The following ARFIP1 variants were observed in gnomAD, a reference collection of about 807,000 sequenced individuals.
ARFIP1 encodes the protein ARF interacting protein 1, also known as arfaptin-1.
A neutral mutation model predicts 42.5 loss-of-function variants in ARFIP1; 24 were observed. The observed-to-expected ratio is 0.57, with a 90% CI of 0.41 to 0.80. ARFIP1 has a LOEUF of 0.80. Among genes scored for constraint, ARFIP1 ranks in the 30% least tolerant of loss-of-function variants. ARFIP1 has a pLI of 0.00. For synonymous variants in ARFIP1, 141 were observed against 153.7 expected (o/e 0.92, Z 0.61); for missense variants, 354 against 434.0 (o/e 0.82, Z 1.64).
At chr4:152,910,030 A>C in intron 8 of ARFIP1, 34 bp from the exon 9 acceptor site, 1 of 1,604,224 alleles carries the variant, frequency 6.2e-7, no homozygotes, top group Non-Finnish European at 8.5e-7. Flanking sequence ...TATTGGTGTT[A>C]ATGCTTGGTC....
chr4:152,836,545 G>A (rs534067165), intron 2 of ARFIP1, among the ~76,000 whole-genome samples: 1 of 151,964 alleles, frequency 6.6e-6, no homozygotes, highest in Non-Finnish European at 1.5e-5. Context: ...TTTTTGGTCT[G>A]ACCTTGAAGC....
chr4:152,844,629 A>G (rs188523888), intron 2 of ARFIP1, among the ~76,000 whole-genome samples: 13 of 151,854 alleles, frequency 8.6e-5, no homozygotes, highest in African/African-American at 2.9e-4. Flanking sequence ...GCAATAACCT[A>G]TTTCACCTCC....
chr4:152,827,725 G>T (rs1204485807), intron 1 of ARFIP1, among the ~76,000 whole-genome samples: 2 of 152,138 alleles, frequency 1.3e-5, no homozygotes, highest in African/African-American at 4.8e-5. Context: ...GCCCAGGCTG[G>T]AGTACAGTGT....
At chr4:152,821,235 T>G (rs1202104840) in intron 1 of ARFIP1, among the ~76,000 whole-genome samples, 3 of 152,102 alleles carry the variant, frequency 2.0e-5, no homozygotes, top group Non-Finnish European at 4.4e-5. Context: ...AAAACCAACA[T>G]AAATTTAAAA....
intron 3 of ARFIP1, among the ~76,000 whole-genome samples, chr4:152,869,221 A>G (rs536875807): frequency 6.6e-6 from 1 of 152,192 alleles, no homozygotes. Context: ...GAAAGTAGAC[A>G]TGTCTTTCTT....
chr4:152,795,957 A>C (rs1731443569), intron 1 of ARFIP1: 2 of 294,500 alleles, frequency 6.8e-6, no homozygotes, highest in Admixed American at 1.0e-4. Flanking sequence ...TAATCTCTTG[A>C]TGATTGCAGA....
At chr4:152,807,228 G>T (rs2149829289) in intron 1 of ARFIP1, 1 of 149,822 alleles carries the variant, frequency 6.7e-6, no homozygotes, top group African/African-American at 2.5e-5. Flanking sequence ...AAGGAAAGCT[G>T]CTAGGAGTAC....
chr4:152,907,815 T>C lies in ARFIP1; in HGVS notation c.967-2249T>C, dbSNP rs150406858. On this transcript the variant is annotated intron_variant, in intron 8 of 8. Transcript: ENST00000353617. The stretch of plus-strand genomic sequence containing the variant: ...AACTTTGTGGTGGTTTTCTTGCTTT[T>C]TTAATGCTAAAAACAGTGCTGCCAT... Among the ~76,000 whole-genome samples the C allele has an allele frequency of 7.2e-3, 1,091 of 152,348 alleles. 12 individuals are homozygous for C. The highest frequency in any genetic ancestry group is 0.024 in the African/African-American group (1,012 of 41,574).
intron 1 of ARFIP1, among the ~76,000 whole-genome samples, chr4:152,823,434 GA>G (rs1214917407): frequency 6.6e-6 from 1 of 152,090 alleles, no homozygotes; most frequent in Non-Finnish European, 1.5e-5. Flanking sequence ...CCAATTTTAA[GA>G]AGCCCACAGC....
chr4:152,863,808 C>G, intron 3 of ARFIP1, 94 bp downstream of exon 3: 1 of 717,248 alleles, frequency 1.4e-6, no homozygotes, highest in South Asian at 1.8e-5. Context: ...AGAATGGAGC[C>G]CTTTCATTCT....
intron 2 of ARFIP1, among the ~76,000 whole-genome samples, chr4:152,830,738 A>C (rs1014463885): frequency 6.6e-6 from 1 of 152,124 alleles, no homozygotes; most frequent in Non-Finnish European, 1.5e-5. Context: ...GCCTCTTCCT[A>C]CTATTTAATA....
At chr4:152,884,594 T>C (rs1736117963) in intron 7 of ARFIP1, among the ~76,000 whole-genome samples, 1 of 152,060 alleles carries the variant, frequency 6.6e-6, no homozygotes, top group South Asian at 2.1e-4. Context: ...CTAGTTTCTC[T>C]ACTTTGCAAT....
At chr4:152,866,023 G>A (rs960145504) in intron 3 of ARFIP1, among the ~76,000 whole-genome samples, 9 of 151,934 alleles carry the variant, frequency 5.9e-5, no homozygotes, top group South Asian at 2.1e-4. Context: ...GCGGCCTTCC[G>A]CAGTGTTTGT....
At chr4:152,792,224 G>A (rs1731181987) in intron 1 of ARFIP1, among the ~76,000 whole-genome samples, 1 of 152,088 alleles carries the variant, frequency 6.6e-6, no homozygotes, top group Middle Eastern at 3.2e-3. Flanking sequence ...TCTTGATGCT[G>A]TATATCATTA....
chr4:152,900,622 T>C (rs1737748304), intron 8 of ARFIP1, among the ~76,000 whole-genome samples: 1 of 152,192 alleles, frequency 6.6e-6, no homozygotes, highest in Non-Finnish European at 1.5e-5. Flanking sequence ...TCCAAAGCCA[T>C]TGCAAACTAA....
rs531283917 is a variant in ARFIP1, at chr4:152,858,784, A to G, written c.94-4822A>G. Among the ~76,000 whole-genome samples the G allele has an allele frequency of 7.9e-5, 12 of 152,318 alleles. No homozygotes were observed. In the East Asian group the frequency reaches 1.7e-3, roughly 22 times the overall value. On this transcript the variant is annotated intron_variant, in intron 2 of 8. Coordinates refer to ENST00000353617, the MANE Select transcript of ARFIP1 (RefSeq NM_001025595.3). ...GACACAAAAATAAACAAATATACAC[A>G]TAATATATCACTTAGTGGTCATTGC...
intron 2 of ARFIP1, among the ~76,000 whole-genome samples, chr4:152,861,272 A>C (rs1392410302): frequency 1.3e-5 from 2 of 152,212 alleles, no homozygotes; most frequent in Non-Finnish European, 2.9e-5. Flanking sequence ...TCCATGGCCT[A>C]GCACCTAGAA....
chr4:152,858,579 T>C (rs542076221), intron 2 of ARFIP1, among the ~76,000 whole-genome samples: 25 of 152,384 alleles, frequency 1.6e-4, no homozygotes, highest in African/African-American at 5.8e-4. Context: ...TTATTGCAGC[T>C]TCTTAATCTA....
chr4:152,815,837 C>T (rs1371058337), intron 1 of ARFIP1, among the ~76,000 whole-genome samples: 10 of 150,254 alleles, frequency 6.7e-5, no homozygotes, highest in East Asian at 3.9e-4. Context: ...CTCCGCCTCC[C>T]GGGTTCACGC....
Sources: allele counts gnomAD v4.1 joint callset (sites outside exome capture counted in the v4.1 genomes callset), GRCh38; gene constraint gnomAD v4.1.1; transcripts MANE v1.5; gene names NCBI Gene and HGNC (gene_info 2026-07-23, HGNC 2026-07-21).